Variants in SEMA6D observed in about 807,000 individuals in gnomAD.
SEMA6D encodes the protein semaphorin 6D.
A neutral mutation model predicts 106.6 loss-of-function variants in SEMA6D; 35 were observed. The ratio of observed to expected loss-of-function variants is 0.33; its 90% confidence interval spans 0.25 to 0.44. The LOEUF (loss-of-function observed/expected upper bound fraction) is 0.44. SEMA6D is among the 20% of genes least tolerant of loss of function. The pLI is 1.00. For missense variants in SEMA6D, 1,185 were observed against 1,345.9 expected (o/e 0.88, Z 1.87); for synonymous variants, 499 against 487.7 (o/e 1.02, Z -0.31).
At chr15:47,745,453 G>A (rs1019309003) in intron 1 of SEMA6D, among the ~76,000 whole-genome samples, 2 of 152,198 alleles carry the variant, frequency 1.3e-5, no homozygotes, top group African/African-American at 2.4e-5. Context: ...TCTCTACCCC[G>A]TACGCCACTG....
At chr15:47,228,820 A>G (rs192163741) in intron 1 of SEMA6D, among the ~76,000 whole-genome samples, 98 of 152,140 alleles carry the variant, frequency 6.4e-4, no homozygotes, top group Non-Finnish European at 1.3e-3. Flanking sequence ...ATGGAGTGCC[A>G]AAGTGGGTCC....
At chr15:47,765,567 T>G (rs1016175858) in intron 13 of SEMA6D, 3 of 601,270 alleles carry the variant, frequency 5.0e-6, no homozygotes, top group Non-Finnish European at 6.7e-6. Context: ...ACAGGAAAAT[T>G]TATATGCATT....
At chr15:47,430,500 A>G (rs2041487582) in intron 2 of SEMA6D, among the ~76,000 whole-genome samples, 1 of 152,024 alleles carries the variant, frequency 6.6e-6, no homozygotes, top group Non-Finnish European at 1.5e-5. Flanking sequence ...TTACTCAGGT[A>G]GATGAAAGGG....
At chr15:47,609,387 T>G (rs1359153199) in intron 4 of SEMA6D, among the ~76,000 whole-genome samples, 1 of 152,190 alleles carries the variant, frequency 6.6e-6, no homozygotes, top group Non-Finnish European at 1.5e-5. Context: ...TTCCTACATG[T>G]TTGGAGCTTG....
At chr15:47,479,686 T>G (rs1195670971) in intron 3 of SEMA6D, among the ~76,000 whole-genome samples, 1 of 151,946 alleles carries the variant, frequency 6.6e-6, no homozygotes, top group Non-Finnish European at 1.5e-5. Flanking sequence ...AATGGAGTGA[T>G]TATAATATTC....
intron 1 of SEMA6D, among the ~76,000 whole-genome samples, chr15:47,317,911 A>T (rs1459118389): frequency 6.6e-6 from 1 of 151,684 alleles, no homozygotes; most frequent in Non-Finnish European, 1.5e-5. Flanking sequence ...TTAATTGGAG[A>T]AATTCTCATC....
rs1014408756 is a variant in SEMA6D, at chr15:47,250,716, A to C, written c.-239+66298A>C. ...TGTGACTGAAAGATGTGCCGTAGAAAGTGGAATGAGCCACCCCAGATTGAG... is the reference window on the plus strand; with the variant it reads ...TGTGACTGAAAGATGTGCCGTAGAACGTGGAATGAGCCACCCCAGATTGAG... On this transcript the variant is annotated intron_variant, in intron 1 of 19. Coordinates refer to the SEMA6D transcript ENST00000558014. Among the ~76,000 whole-genome samples, 6 of 152,256 alleles carry C rather than the reference A, an allele frequency of 3.9e-5. No homozygotes were observed. In the East Asian group the frequency reaches 1.2e-3, roughly 29 times the overall value.
chr15:47,232,236 T>C (rs2032245568), intron 1 of SEMA6D, among the ~76,000 whole-genome samples: 1 of 152,050 alleles, frequency 6.6e-6, no homozygotes, highest in Non-Finnish European at 1.5e-5. Flanking sequence ...ATACTACATA[T>C]TGTTCATTCA....
At chr15:47,254,329 GTGTATA>G (rs933238873) in intron 1 of SEMA6D, among the ~76,000 whole-genome samples, 1 of 132,660 alleles carries the variant, frequency 7.5e-6, no homozygotes, top group African/African-American at 2.7e-5. Flanking sequence ...ATGTGTGTGT[GTGTATA>G]TATATATATA....
At chr15:47,519,111 A>T (rs1456717881) in intron 3 of SEMA6D, among the ~76,000 whole-genome samples, 1 of 152,098 alleles carries the variant, frequency 6.6e-6, no homozygotes. Flanking sequence ...ACAAAACAAT[A>T]AATAAATAAA....
chr15:47,298,407 C>G (rs1361350966), intron 1 of SEMA6D, among the ~76,000 whole-genome samples: 4 of 151,626 alleles, frequency 2.6e-5, no homozygotes, highest in Non-Finnish European at 2.9e-5. Context: ...TCAAAAATAC[C>G]AAAAACATTT....
chr15:47,265,897 G>A (rs1453138673), intron 1 of SEMA6D, among the ~76,000 whole-genome samples: 1 of 152,192 alleles, frequency 6.6e-6, no homozygotes, highest in African/African-American at 2.4e-5. Flanking sequence ...CCATAGTCAC[G>A]TTGGGATGAC....
At chr15:47,665,783 C>T (rs1205692454) in intron 4 of SEMA6D, among the ~76,000 whole-genome samples, 1 of 152,170 alleles carries the variant, frequency 6.6e-6, no homozygotes, top group African/African-American at 2.4e-5. Flanking sequence ...GCACTCCAGC[C>T]TGGGCGACAG....
At chr15:47,511,834 C>T (rs1223232643) in intron 3 of SEMA6D, among the ~76,000 whole-genome samples, 3 of 152,034 alleles carry the variant, frequency 2.0e-5, no homozygotes, top group Non-Finnish European at 4.4e-5. Flanking sequence ...TTTTGGCACC[C>T]CTCAGGCCAC....
At chr15:47,332,261 T>G (rs2037370797) in intron 1 of SEMA6D, among the ~76,000 whole-genome samples, 1 of 152,194 alleles carries the variant, frequency 6.6e-6, no homozygotes, top group Admixed American at 6.5e-5. Context: ...TTTGTGCATA[T>G]TTATGTGACC....
chr15:47,228,151 C>T (rs1190399717), intron 1 of SEMA6D, among the ~76,000 whole-genome samples: 3 of 117,532 alleles, frequency 2.6e-5, no homozygotes, highest in African/African-American at 1.2e-4. Flanking sequence ...CACACACACA[C>T]ACACACACAC....
At chr15:47,443,747 A>G (rs995519236) in intron 2 of SEMA6D, among the ~76,000 whole-genome samples, 1 of 152,170 alleles carries the variant, frequency 6.6e-6, no homozygotes, top group East Asian at 1.9e-4. Context: ...AGAAATTTTC[A>G]TCAATATACA....
At chr15:47,631,221 C>T (rs1215810227) in intron 4 of SEMA6D, among the ~76,000 whole-genome samples, 1 of 151,710 alleles carries the variant, frequency 6.6e-6, no homozygotes, top group Non-Finnish European at 1.5e-5. Context: ...AACTCTGGGG[C>T]CTGAAAATTT....
intron 1 of SEMA6D, among the ~76,000 whole-genome samples, chr15:47,725,538 C>T (rs1280138312): frequency 6.6e-6 from 1 of 152,074 alleles, no homozygotes; most frequent in East Asian, 1.9e-4. Flanking sequence ...CCCAGTCCCC[C>T]ACTTTCCCAC....
Sources: allele counts gnomAD v4.1 joint callset (sites outside exome capture counted in the v4.1 genomes callset), GRCh38; gene constraint gnomAD v4.1.1; transcripts MANE v1.5; gene names NCBI Gene and HGNC (gene_info 2026-07-23, HGNC 2026-07-21).